Variants in FCF1 observed in about 807,000 individuals in gnomAD.
FCF1 encodes rRNA-processing protein FCF1 homolog.
FCF1 carries 17 observed loss-of-function variants against 32.5 expected under a neutral mutation model. The observed-to-expected ratio is 0.52, with a 90% confidence interval of 0.36 to 0.78. FCF1 has a LOEUF of 0.78. Ranked by LOEUF, FCF1 falls within the 30% of genes least tolerant of loss-of-function variation. The pLI is 0.00. For synonymous variants in FCF1, 84 were observed against 78.4 expected, an observed-to-expected ratio of 1.07 and a Z score of -0.38; for missense variants, 201 against 241.1, an observed-to-expected ratio of 0.83 and a Z score of 1.10.
rs142541926 is a variant in FCF1 at position 74,713,352 on chromosome 14, T to G, written c.4-133T>G. ...AAACTTCTCCAAGCGGTGACTGTTA[T>G]GCTTTACAGAGTGGGGAAGAGGGTC... is the stretch of plus-strand genomic sequence containing the variant. On this transcript the variant is annotated intron_variant, in intron 1 of 7. Coordinates refer to ENST00000341162, the MANE Select transcript of FCF1 (RefSeq NM_015962.5). 5.9e-5 allele frequency: 93 copies of G among 1,568,038 alleles called. 1 individual carries two copies. The South Asian group carries it at 9.6e-4, about 16-fold the overall frequency.
chr14:74,715,319 T>G (rs1476217983), intron 3 of FCF1, among the ~76,000 whole-genome samples: 1 of 152,214 alleles, frequency 6.6e-6, no homozygotes, highest in Non-Finnish European at 1.5e-5. Context: ...GACCTTTATA[T>G]AAAGATATAA....
intron 6 of FCF1, 130 bp downstream of exon 6, chr14:74,732,948 A>C: frequency 3.4e-6 from 2 of 580,380 alleles, no homozygotes; most frequent in Non-Finnish European, 6.0e-6. Flanking sequence ...AAAATTGCAT[A>C]GCATTCCTTC....
intron 4 of FCF1, among the ~76,000 whole-genome samples, chr14:74,716,583 G>A (rs567723282): frequency 3.3e-5 from 5 of 152,226 alleles, no homozygotes; most frequent in African/African-American, 1.2e-4. Context: ...TAGTACAGAG[G>A]ATCTGAGGTA....
Position 74,720,740 on chromosome 14 carries a change from C to G in FCF1, c.293-2532C>G, listed in dbSNP as rs377432726. On this transcript the variant is annotated intron_variant, in intron 4 of 7. Transcript: ENST00000341162. ...CAATAGCTTACAGCAGCCTCAACCTCCAGGTCTCAAGTGATCCTGCAGCCA... is the reference window on the plus strand; with the variant it reads ...CAATAGCTTACAGCAGCCTCAACCTGCAGGTCTCAAGTGATCCTGCAGCCA... 5.3e-5 allele frequency among the ~76,000 whole-genome samples: 8 copies of G among 152,298 alleles called. No homozygotes were observed. The East Asian group carries it at 9.6e-4, about 18-fold the overall frequency.
rs144888163 is a variant in FCF1, at chr14:74,718,996, A to G, written c.292+2897A>G. Among the ~76,000 whole-genome samples the G allele has an allele frequency of 2.2e-4, 33 of 151,760 alleles. No individual in the cohort carries two copies. In the East Asian group the frequency reaches 6.1e-3, roughly 28 times the overall value. ...AATACAAAAATTAGCCAGGCGCAGC[A>G]CCATGTGCCTGTAATCCCAGTTACC... On this transcript the variant is annotated intron_variant, in intron 4 of 7. Coordinates refer to ENST00000341162, the MANE Select transcript of FCF1 (RefSeq NM_015962.5).
intron 4 of FCF1, among the ~76,000 whole-genome samples, chr14:74,721,805 T>G (rs1035480701): frequency 6.6e-6 from 1 of 152,214 alleles, no homozygotes; most frequent in African/African-American, 2.4e-5. Flanking sequence ...CCCAGTATCT[T>G]ATTAGGTATT....
intron 6 of FCF1, among the ~76,000 whole-genome samples, chr14:74,733,627 G>C (rs1040202155): frequency 2.6e-5 from 4 of 152,144 alleles, no homozygotes; most frequent in African/African-American, 7.2e-5. Flanking sequence ...TTCGGGGATA[G>C]CTTACCTCTA....
At chr14:74,720,539 T>A (rs1405022992) in intron 4 of FCF1, among the ~76,000 whole-genome samples, 2 of 152,260 alleles carry the variant, frequency 1.3e-5, no homozygotes, top group Non-Finnish European at 2.9e-5. Context: ...TTTTTATTAC[T>A]AAATAATATT....
At chr14:74,716,135 T>C (rs2090416600) in intron 4 of FCF1, 36 bp downstream of exon 4, 1 of 1,586,326 alleles carries the variant, frequency 6.3e-7, no homozygotes, top group Non-Finnish European at 8.7e-7. Flanking sequence ...GTGACATTTG[T>C]TCAGAATAAT....
intron 4 of FCF1, among the ~76,000 whole-genome samples, chr14:74,719,464 A>T (rs1056476080): frequency 5.3e-5 from 8 of 151,754 alleles, no homozygotes; most frequent in Non-Finnish European, 7.4e-5. Flanking sequence ...TACAAAAAAA[A>T]TTTTTTTTAA....
chr14:74,724,607 A>G (rs2090550771), intron 5 of FCF1, among the ~76,000 whole-genome samples: 1 of 152,198 alleles, frequency 6.6e-6, no homozygotes, highest in Non-Finnish European at 1.5e-5. Flanking sequence ...TTTTTAGTGT[A>G]ACAGAAGAAA....
intron 5 of FCF1, among the ~76,000 whole-genome samples, chr14:74,725,339 G>T (rs1289016177): frequency 6.6e-6 from 1 of 151,652 alleles, no homozygotes; most frequent in Non-Finnish European, 1.5e-5. Context: ...AATTAGCCAG[G>T]CATGGTGGCG....
intron 4 of FCF1, among the ~76,000 whole-genome samples, chr14:74,717,050 C>T (rs1006463325): frequency 3.3e-5 from 5 of 152,034 alleles, no homozygotes; most frequent in South Asian, 2.1e-4. Flanking sequence ...TGGCTGCAGC[C>T]GGGCGCAGTG....
rs2090695070 is a variant in FCF1, at chr14:74,735,496, T to A, written c.*566T>A. 1 of 152,746 alleles carries A rather than the reference T, an allele frequency of 6.5e-6. No homozygotes were observed. Among genetic ancestry groups the A allele is most frequent in the African/African-American group, 2.4e-5 (1 of 41,472 alleles). The allele number at this position is 152,746 out of a possible 1,614,324, so 9.5% of individuals were successfully genotyped here. A position where few individuals can be genotyped will look rare whatever the true frequency, so the allele number is the denominator to read the frequency against. On this transcript the variant is annotated 3_prime_UTR_variant, in exon 8 of 8. Coordinates refer to ENST00000341162, the MANE Select transcript of FCF1 (RefSeq NM_015962.5). ...AAATTTCTTTTAATTGCTTTTCCAA[T>A]GCAATAGCATGAATTATTATTCTGT...
intron 4 of FCF1, among the ~76,000 whole-genome samples, chr14:74,716,836 A>G (rs1191104106): frequency 3.3e-5 from 5 of 152,196 alleles, no homozygotes; most frequent in Non-Finnish European, 4.4e-5. Context: ...TAGAGGATAA[A>G]TTACTGGAAT....
chr14:74,727,749 T>C (rs1010963174), intron 5 of FCF1, among the ~76,000 whole-genome samples: 2 of 152,246 alleles, frequency 1.3e-5, no homozygotes, highest in African/African-American at 4.8e-5. Context: ...AGGTCTAACG[T>C]TTAAGTCTTT....
chr14:74,722,927 G>A lies in FCF1; in HGVS notation c.293-345G>A, dbSNP rs764697619. Among the ~76,000 whole-genome samples, 14 of 151,628 alleles carry A rather than the reference G, an allele frequency of 9.2e-5. No individual in the cohort carries two copies. The South Asian group carries it at 1.9e-3, about 20-fold the overall frequency. On this transcript the variant is annotated intron_variant, in intron 4 of 7. Coordinates refer to ENST00000341162, the MANE Select transcript of FCF1 (RefSeq NM_015962.5). ...CAGTGAGTTGAGATCGTGCCACTGC[G>A]CTCCAGCCTGGGCAACAGAGCAAGA... is the stretch of plus-strand genomic sequence containing the variant.
At position 74,734,150 on chromosome 14, in the gene FCF1, C is replaced by G. The variant is rs2090674752; in HGVS notation, c.528C>G (p.Ile176Met). 1.2e-6 allele frequency: 2 copies of G among 1,612,034 alleles called. No individual in the cohort carries two copies. Among genetic ancestry groups the G allele is most frequent in the African/African-American group, 2.7e-5 (2 of 74,976 alleles). Residue 176 changes from isoleucine (I) to methionine (M), a missense_variant, in exon 7 of 8, where the codon ATC (isoleucine) becomes ATG (methionine). Coordinates refer to ENST00000341162, the MANE Select transcript of FCF1 (RefSeq NM_015962.5). The stretch of plus-strand genomic sequence containing the variant: ...TCCGTAAGATTCCTGGAGTTCCTAT[C>G]ATGTACATTTCTAACCATAGGTGAG... ...RRIRKIPGVP[I>M]MYISNHRYNI...
intron 5 of FCF1, among the ~76,000 whole-genome samples, chr14:74,725,630 C>T (rs1019177401): frequency 3.3e-5 from 5 of 151,468 alleles, no homozygotes; most frequent in African/African-American, 1.2e-4. Context: ...CTCTACAAAA[C>T]TTTAAAAATT....
Sources: allele counts gnomAD v4.1 joint callset (sites outside exome capture counted in the v4.1 genomes callset), GRCh38; gene constraint gnomAD v4.1.1; transcripts MANE v1.5; gene names NCBI Gene and HGNC (gene_info 2026-07-23, HGNC 2026-07-21).